Variants in ETF1 observed in about 807,000 individuals in gnomAD.
ETF1 encodes eukaryotic peptide chain release factor subunit 1.
Under a neutral mutation model 55.1 loss-of-function variants are expected in ETF1, and 4 were observed. The observed-to-expected ratio is 0.07, with a 90% CI of 0.04 to 0.17. The LOEUF is 0.17. Ranked by LOEUF, ETF1 falls within the 10% of genes least tolerant of loss-of-function variation. The probability of loss-of-function intolerance (pLI) is 1.00; values close to 1 mark genes in which losing one functional copy is unlikely to be tolerated. For synonymous variants in ETF1, 157 were observed against 182.3 expected (o/e 0.86, Z 1.12); for missense variants, 142 against 523.6 (o/e 0.27, Z 7.11).
chr5:138,524,248 G>GCC (rs1561837884), intron 2 of ETF1, among the ~76,000 whole-genome samples: 1 of 151,830 alleles, frequency 6.6e-6, no homozygotes, highest in Non-Finnish European at 1.5e-5. Context: ...AGCTACTTGG[G>GCC]AGTCTGAGGC....
At chr5:138,512,582 G>A (rs1039511932) in intron 6 of ETF1, 182 bp downstream of exon 6, 1 of 487,538 alleles carries the variant, frequency 2.1e-6, no homozygotes. Flanking sequence ...CAGAAGAGAA[G>A]GGGTTCAGAA....
chr5:138,512,669 ATTT>A, intron 6 of ETF1, 92 bp downstream of exon 6: 1 of 1,171,836 alleles, frequency 8.5e-7, no homozygotes, highest in Non-Finnish European at 1.2e-6. Flanking sequence ...AACCCAAGGA[ATTT>A]TAAAAAGATG....
chr5:138,528,874 T>G (rs1224769849), intron 2 of ETF1, among the ~76,000 whole-genome samples: 1 of 152,106 alleles, frequency 6.6e-6, no homozygotes, highest in Non-Finnish European at 1.5e-5. Flanking sequence ...GGGCCAGGCA[T>G]GGTGGCTCAT....
chr5:138,511,608 A>G lies in ETF1; in HGVS notation c.733-4T>C, dbSNP rs1323828691. On this transcript the variant is annotated splice_polypyrimidine_tract_variant and splice_region_variant and intron_variant, in intron 6 of 10. Transcript: ENST00000360541. ...TTAAAACTTTTGATTGTAACCTCTA[A>G]CACACAAAAAAAATATTATTAGTAC... 2.5e-6 allele frequency: 4 copies of G among 1,598,402 alleles called. No homozygotes were observed. Among genetic ancestry groups the G allele is most frequent in the Admixed American group, 1.7e-5 (1 of 57,202 alleles).
Position 138,510,377 on chromosome 5 carries a change from A to G in ETF1, c.1083+188T>C, listed in dbSNP as rs1764724088. On this transcript the variant is annotated intron_variant, in intron 9 of 10. Transcript: ENST00000360541. Reference sequence around the variant, plus strand: ...TGTCTCAAAAAAAAAAAAAAAAAAAAAAAAAAAAAAAGCTGCAGCTCCTTC... The same window carrying G: ...TGTCTCAAAAAAAAAAAAAAAAAAAGAAAAAAAAAAAGCTGCAGCTCCTTC... 1.3e-5 allele frequency among the ~76,000 whole-genome samples: 2 copies of G among 149,450 alleles called. 1 individual carries two copies. The highest frequency in any genetic ancestry group is 4.9e-5 in the African/African-American group (2 of 40,744).
intron 10 of ETF1, 29 bp downstream of exon 10, chr5:138,508,640 T>G: frequency 6.2e-7 from 1 of 1,611,370 alleles, no homozygotes; most frequent in Non-Finnish European, 8.5e-7. Context: ...ACCCTGGTTT[T>G]AAGTTTGGTT....
chr5:138,533,355 A>T (rs1026739340), intron 2 of ETF1, among the ~76,000 whole-genome samples: 7 of 152,082 alleles, frequency 4.6e-5, no homozygotes, highest in Non-Finnish European at 8.8e-5. Flanking sequence ...TTTTAAGCAA[A>T]CACCAGAGAT....
In ETF1 at chr5:138,508,245, A is replaced by G. The variant is rs1764627999; in HGVS notation, c.*60T>C. ...GATCTGTTTGGATTCCACCATGGGT[A>G]TGCTCCTTGGGTTGGATGCTGGAGG... On this transcript the variant is annotated 3_prime_UTR_variant, in exon 11 of 11. Coordinates refer to ENST00000360541, the MANE Select transcript of ETF1 (RefSeq NM_004730.4). 1.3e-6 allele frequency: 2 copies of G among 1,575,718 alleles called. No individual in the cohort carries two copies. Among genetic ancestry groups the G allele is most frequent in the South Asian group, 2.3e-5 (2 of 87,336 alleles).
chr5:138,541,728 C>T, intron 2 of ETF1: 1 of 1,144,500 alleles, frequency 8.7e-7, no homozygotes, highest in Admixed American at 3.7e-5. Context: ...AATGCTCAGA[C>T]ATACAAGTAT....
rs1266169473 is a variant in ETF1, at chr5:138,506,222, T to A, written c.*2083A>T. Reference sequence around the variant, plus strand: ...GCTACGGTTTTCACCCCCTCTTATATGTGTTTGTATGTGTAAGTGTAATAC... The same window carrying A: ...GCTACGGTTTTCACCCCCTCTTATAAGTGTTTGTATGTGTAAGTGTAATAC... On this transcript the variant is annotated 3_prime_UTR_variant, in exon 11 of 11. Transcript: ENST00000360541. The A allele has an allele frequency of 6.6e-6, 1 of 152,650 alleles. No individual in the cohort carries two copies. Among genetic ancestry groups the A allele is most frequent in the African/African-American group, 2.4e-5 (1 of 41,452 alleles). The allele number at this position is 152,650 out of a possible 1,614,324, so 9.5% of individuals were successfully genotyped here. A position where few individuals can be genotyped will look rare whatever the true frequency, so the allele number is the denominator to read the frequency against.
chr5:138,506,930 T>C lies in ETF1; in HGVS notation c.*1375A>G, dbSNP rs1227894022. On this transcript the variant is annotated 3_prime_UTR_variant, in exon 11 of 11. Transcript: ENST00000360541. Reference sequence around the variant, plus strand: ...CTAGTCAGTGTGGAGGTGATACCAATTGACTTTTAAAACCTTTGGTCCTTC... The same window carrying C: ...CTAGTCAGTGTGGAGGTGATACCAACTGACTTTTAAAACCTTTGGTCCTTC... 6.6e-6 allele frequency: 1 copy of C among 152,600 alleles called. No individual in the cohort carries two copies. Among genetic ancestry groups the C allele is most frequent in the Non-Finnish European group, 1.5e-5 (1 of 68,028 alleles). 9.5% of individuals were successfully genotyped at this position (152,600 alleles called of 1,614,324 possible).
chr5:138,509,949 A>G (rs1764699950), intron 9 of ETF1, among the ~76,000 whole-genome samples: 1 of 148,966 alleles, frequency 6.7e-6, no homozygotes, highest in Admixed American at 6.7e-5. Flanking sequence ...ACTCCTGGCT[A>G]CTCAGTAGAC....
chr5:138,542,766 C>T (rs1766239570), intron 2 of ETF1, 67 bp downstream of exon 2: 1 of 1,587,284 alleles, frequency 6.3e-7, no homozygotes, highest in Non-Finnish European at 8.6e-7. Context: ...CCATGCGGCG[C>T]GGGGGCGTCC....
intron 2 of ETF1, among the ~76,000 whole-genome samples, chr5:138,534,666 AAG>A (rs1158796013): frequency 6.6e-6 from 1 of 152,228 alleles, no homozygotes; most frequent in Non-Finnish European, 1.5e-5. Context: ...CTCCATGGAC[AAG>A]AGTCTTCCTT....
At chr5:138,522,177 G>A (rs1765260972) in intron 2 of ETF1, among the ~76,000 whole-genome samples, 1 of 151,822 alleles carries the variant, frequency 6.6e-6, no homozygotes, top group South Asian at 2.1e-4. Context: ...CCGACCTTTG[G>A]ACTTCAAAGG....
intron 2 of ETF1, among the ~76,000 whole-genome samples, chr5:138,524,073 C>T (rs1322195650): frequency 6.6e-6 from 1 of 152,100 alleles, no homozygotes; most frequent in East Asian, 1.9e-4. Flanking sequence ...GTAATCCCAG[C>T]TACTCTGGAG....
chr5:138,541,870 C>G (rs993561728), intron 2 of ETF1, among the ~76,000 whole-genome samples: 10 of 122,206 alleles, frequency 8.2e-5, no homozygotes, highest in African/African-American at 3.7e-4. Context: ...CTTCCTCAAA[C>G]GAACAACGTT....
chr5:138,517,363 T>A (rs779826910), intron 4 of ETF1, among the ~76,000 whole-genome samples, 198 bp downstream of exon 4: 49 of 149,994 alleles, frequency 3.3e-4, no homozygotes, highest in Non-Finnish European at 6.8e-4. Flanking sequence ...AGAGCGAGAC[T>A]CCGTCTAAAA....
chr5:138,523,023 AAAC>A (rs1056537731), intron 2 of ETF1, among the ~76,000 whole-genome samples: 4 of 151,698 alleles, frequency 2.6e-5, no homozygotes, highest in African/African-American at 9.7e-5. Flanking sequence ...ACAAACAAAC[AAAC>A]AAACAAAAAA....
Sources: gnomAD v4.1 joint callset for allele counts (sites outside exome capture counted in the v4.1 genomes callset) on GRCh38, gnomAD v4.1.1 for gene constraint, MANE v1.5 for transcripts, NCBI Gene and HGNC (gene_info 2026-07-23, HGNC 2026-07-21) for gene names.